TMEM87A: variants seen among roughly 807,000 people sequenced by gnomAD.
TMEM87A encodes the protein Golgi-pH regulating cation channel.
A neutral mutation model predicts 90.0 loss-of-function variants in TMEM87A; 50 were observed. The ratio of observed to expected loss-of-function variants is 0.56; its 90% CI spans 0.44 to 0.70. The LOEUF (loss-of-function observed/expected upper bound fraction) is 0.70. Ranked by LOEUF, TMEM87A falls within the 30% of genes least tolerant of loss-of-function variation. The probability of loss-of-function intolerance (pLI) is 0.00; values close to 1 mark genes in which losing one functional copy is unlikely to be tolerated. For missense variants in TMEM87A, 577 were observed against 660.5 expected, an observed-to-expected ratio of 0.87 and a Z score of 1.39; for synonymous variants, 226 against 226.7, an observed-to-expected ratio of 1.00 and a Z score of 0.03.
At chr15:42,273,131 A>C (rs970989827) in intron 1 of TMEM87A, 124 bp downstream of exon 1, 1 of 1,259,160 alleles carries the variant, frequency 7.9e-7, no homozygotes, top group African/African-American at 1.5e-5. Flanking sequence ...CTAGCCACAC[A>C]GACCATCCCA....
chr15:42,265,189 C>T (rs920636727), intron 3 of TMEM87A, among the ~76,000 whole-genome samples: 6 of 152,026 alleles, frequency 3.9e-5, no homozygotes, highest in Non-Finnish European at 5.9e-5. Context: ...TATGTCTTTA[C>T]GGTAGAATGA....
Position 42,226,880 on chromosome 15 carries a change from G to A in TMEM87A, c.1329C>T (p.Ala443=). 6.2e-7 allele frequency: 1 copy of A among 1,614,110 alleles called. No homozygotes were observed. The highest frequency in any genetic ancestry group is 1.1e-5 in the South Asian group (1 of 91,086). ...SDWRELWVDD[A]IWRLLFSMIL... ...TCATGGAGAACAGCAAGCGCCAGATGGCATCGTCTACCCACAGCTCCCGCC... is the reference window on the plus strand; with the variant it reads ...TCATGGAGAACAGCAAGCGCCAGATAGCATCGTCTACCCACAGCTCCCGCC... The change falls in exon 15 of 20, where the codon GCC becomes GCT. Residue 443 remains alanine (A), a synonymous_variant. Transcript: ENST00000389834.
At chr15:42,258,504 G>A (rs2051225915) in intron 6 of TMEM87A, 1 of 383,282 alleles carries the variant, frequency 2.6e-6, no homozygotes, top group Non-Finnish European at 3.6e-6. Flanking sequence ...TCAGCTCACT[G>A]CAGCCTCCAC....
intron 19 of TMEM87A, among the ~76,000 whole-genome samples, chr15:42,213,924 T>G (rs879553314): frequency 5.9e-5 from 9 of 152,050 alleles, no homozygotes; most frequent in Non-Finnish European, 1.3e-4. Context: ...TAGGAATTAT[T>G]TGAAAGAGAA....
intron 12 of TMEM87A, 70 bp from the exon 13 acceptor site, chr15:42,228,890 T>C: frequency 8.6e-7 from 1 of 1,158,592 alleles, no homozygotes. Context: ...TTCAGGTTTC[T>C]TTAAGGATCT....
At position 42,251,286 on chromosome 15, in the gene TMEM87A, C is replaced by G. The variant is rs538182476; in HGVS notation, c.505-7119G>C. Among the ~76,000 whole-genome samples, 9 of 152,238 alleles carry G rather than the reference C, an allele frequency of 5.9e-5. No homozygotes were observed. The South Asian group carries it at 1.9e-3, about 32-fold the overall frequency. On this transcript the variant is annotated intron_variant, in intron 6 of 19. Transcript: ENST00000389834. ...ATCTGTCCAGCTTTGTTCCGTTGCT[C>G]GCGGGGAGCTGCAATCCTTTGGAGG...
intron 19 of TMEM87A, among the ~76,000 whole-genome samples, chr15:42,213,805 G>T (rs1430368166): frequency 6.6e-6 from 1 of 151,740 alleles, no homozygotes; most frequent in Non-Finnish European, 1.5e-5. Flanking sequence ...TTTTTCTAAT[G>T]CAATGAAACC....
chr15:42,260,191 G>A (rs1330301474), intron 6 of TMEM87A, among the ~76,000 whole-genome samples: 1 of 152,126 alleles, frequency 6.6e-6, no homozygotes, highest in Non-Finnish European at 1.5e-5. Flanking sequence ...TGGGCAACAT[G>A]GTGAGACCCA....
Position 42,210,724 on chromosome 15 carries a change from C to G in TMEM87A, c.*984G>C, listed in dbSNP as rs1357203501. On this transcript the variant is annotated 3_prime_UTR_variant, in exon 20 of 20. Transcript: ENST00000389834. ...TACCAGAACAGTCCATCCTAAAGAA[C>G]GAGCAGCAGTCCAGGGCCTCCACGC... The G allele has an allele frequency of 1.3e-5, 2 of 152,560 alleles. No individual in the cohort carries two copies. Among genetic ancestry groups the G allele is most frequent in the Admixed American group, 1.3e-4 (2 of 15,274 alleles). The allele number at this position is 152,560 out of a possible 1,614,324, so 9.5% of individuals were successfully genotyped here.
Position 42,217,798 on chromosome 15 carries a change from C to A in TMEM87A, c.1626+5G>T, listed in dbSNP as rs1473576632. 6.2e-7 allele frequency: 1 copy of A among 1,612,522 alleles called. No individual in the cohort carries two copies. Among genetic ancestry groups the A allele is most frequent in the Non-Finnish European group, 8.5e-7 (1 of 1,179,504 alleles). ...ATAATTTATGCACGTGAATTGAGTA[C>A]CAACCTCATCTGAATCCAGAAGGGC... On this transcript the variant is annotated splice_donor_5th_base_variant and intron_variant, in intron 19 of 19. Transcript: ENST00000389834.
Position 42,244,126 on chromosome 15 carries a change from G to A in TMEM87A, c.546C>T (p.Tyr182=), listed in dbSNP as rs1207657038. The change falls in exon 7 of 20, where the codon TAC becomes TAT. Residue 182 remains tyrosine (Y), a synonymous_variant. Coordinates refer to ENST00000389834, the MANE Select transcript of TMEM87A (RefSeq NM_015497.5). ...AAATGCCAATATGTACAATAAAAAT[G>A]TATGGTGCATCTTGCCAAGTTTGCA... is the stretch of plus-strand genomic sequence containing the variant. ...EPLQTWQDAP[Y]IFIVHIGISS... 1 of 1,576,232 alleles carries A rather than the reference G, an allele frequency of 6.3e-7. No individual in the cohort carries two copies. The highest frequency in any genetic ancestry group is 1.4e-5 in the African/African-American group (1 of 72,512).
chr15:42,258,060 A>C, intron 6 of TMEM87A: 3 of 974,486 alleles, frequency 3.1e-6, no homozygotes, highest in Non-Finnish European at 3.7e-6. Flanking sequence ...AATATTAATC[A>C]CAACACTGCA....
At chr15:42,239,597 G>A in intron 8 of TMEM87A, 73 bp downstream of exon 8, 1 of 1,239,216 alleles carries the variant, frequency 8.1e-7, no homozygotes, top group Non-Finnish European at 1.2e-6. Flanking sequence ...AAAGAATACT[G>A]CCACAAAACA....
chr15:42,269,580 G>A (rs1487034085), intron 2 of TMEM87A, among the ~76,000 whole-genome samples: 2 of 152,016 alleles, frequency 1.3e-5, no homozygotes, highest in African/African-American at 4.8e-5. Context: ...AAGGAAATTT[G>A]GCAGCAAAAA....
intron 2 of TMEM87A, among the ~76,000 whole-genome samples, chr15:42,270,624 A>G (rs1288065209): frequency 6.6e-6 from 1 of 152,164 alleles, no homozygotes; most frequent in East Asian, 1.9e-4. Context: ...TTAACTTGGC[A>G]AAACACCACT....
At chr15:42,232,986 G>A in intron 11 of TMEM87A, 1 of 299,308 alleles carries the variant, frequency 3.3e-6, no homozygotes, top group East Asian at 5.9e-5. Flanking sequence ...AAAACAATTA[G>A]CAATTTGGAG....
intron 6 of TMEM87A, among the ~76,000 whole-genome samples, chr15:42,250,670 T>C (rs1171156741): frequency 6.6e-6 from 1 of 152,154 alleles, no homozygotes; most frequent in Non-Finnish European, 1.5e-5. Context: ...GCCCTTAACA[T>C]TTTTTTCCTT....
intron 18 of TMEM87A, 133 bp downstream of exon 18, chr15:42,218,190 C>T (rs568722555): frequency 1.9e-5 from 17 of 898,380 alleles, no homozygotes; most frequent in East Asian, 1.3e-4. Flanking sequence ...ATTTTGTTTG[C>T]GGATTATTCC....
At chr15:42,255,764 T>C (rs1243647417) in intron 6 of TMEM87A, among the ~76,000 whole-genome samples, 1 of 151,696 alleles carries the variant, frequency 6.6e-6, no homozygotes, top group Non-Finnish European at 1.5e-5. Flanking sequence ...TCCATAAACA[T>C]ATAGATTTTT....
Sources: gnomAD v4.1 joint callset for allele counts (sites outside exome capture counted in the v4.1 genomes callset) on GRCh38, gnomAD v4.1.1 for gene constraint, MANE v1.5 for transcripts, NCBI Gene and HGNC (gene_info 2026-07-23, HGNC 2026-07-21) for gene names.